The following LRMDA variants were observed in gnomAD, a reference collection of about 807,000 sequenced individuals.
LRMDA encodes the protein leucine-rich melanocyte differentiation-associated protein.
A neutral mutation model predicts 29.8 loss-of-function variants in LRMDA; 18 were observed. The observed-to-expected ratio is 0.60, with a 90% CI of 0.42 to 0.90. The LOEUF (loss-of-function observed/expected upper bound fraction) is 0.90. LRMDA is among the 40% of genes least tolerant of loss of function. The pLI, the probability that LRMDA is intolerant of heterozygous loss-of-function variation, is 0.00. For synonymous variants in LRMDA, 125 were observed against 109.4 expected (o/e 1.14, Z -0.89); for missense variants, 273 against 273.9 (o/e 1.00, Z 0.02).
intron 2 of LRMDA, among the ~76,000 whole-genome samples, chr10:75,699,402 A>G (rs572346966): frequency 6.6e-6 from 1 of 152,168 alleles, no homozygotes; most frequent in African/African-American, 2.4e-5. Context: ...GCTGAAAACT[A>G]TCTAGGTGTG....
intron 2 of LRMDA, among the ~76,000 whole-genome samples, chr10:75,681,003 G>A (rs774967585): frequency 3.3e-5 from 5 of 152,056 alleles, no homozygotes; most frequent in Admixed American, 6.5e-5. Flanking sequence ...TATTAAATAC[G>A]TTGTTAATGA....
intron 2 of LRMDA, among the ~76,000 whole-genome samples, chr10:75,456,085 G>C (rs996078438): frequency 6.6e-6 from 1 of 152,212 alleles, no homozygotes; most frequent in African/African-American, 2.4e-5. Flanking sequence ...TTTCAGAGAG[G>C]CCAGCCAAGT....
chr10:75,755,118 T>C (rs1047930477), intron 2 of LRMDA, among the ~76,000 whole-genome samples: 1 of 152,112 alleles, frequency 6.6e-6, no homozygotes, highest in Admixed American at 6.6e-5. Flanking sequence ...TAGGACACCA[T>C]AAAAATAACT....
At chr10:76,462,922 T>G (rs181389853) in intron 6 of LRMDA, among the ~76,000 whole-genome samples, 1 of 152,276 alleles carries the variant, frequency 6.6e-6, no homozygotes, top group African/African-American at 2.4e-5. Context: ...TCAATAACCT[T>G]ACAAGTGCCT....
At chr10:75,767,855 G>A (rs1843189126) in intron 2 of LRMDA, among the ~76,000 whole-genome samples, 1 of 152,214 alleles carries the variant, frequency 6.6e-6, no homozygotes, top group African/African-American at 2.4e-5. Context: ...GGTCCTAAAT[G>A]TAATCACATA....
At chr10:75,873,371 T>G (rs979101585) in intron 2 of LRMDA, among the ~76,000 whole-genome samples, 2 of 152,242 alleles carry the variant, frequency 1.3e-5, no homozygotes, top group Admixed American at 6.5e-5. Flanking sequence ...CCTCTTTTGT[T>G]TCTACATTAT....
chr10:76,286,375 C>T (rs1840271491), intron 5 of LRMDA, among the ~76,000 whole-genome samples: 1 of 152,184 alleles, frequency 6.6e-6, no homozygotes, highest in African/African-American at 2.4e-5. Flanking sequence ...CCCGGTGACC[C>T]CGGGCTTTTC....
intron 5 of LRMDA, among the ~76,000 whole-genome samples, chr10:76,266,911 T>C (rs1840012605): frequency 6.6e-6 from 1 of 152,300 alleles, no homozygotes; most frequent in South Asian, 2.1e-4. Context: ...ACATTCAATC[T>C]CTGGGTGATG....
At chr10:76,015,473 G>C (rs954627776) in intron 2 of LRMDA, among the ~76,000 whole-genome samples, 2 of 152,192 alleles carry the variant, frequency 1.3e-5, no homozygotes, top group Admixed American at 1.3e-4. Context: ...CTCTCCATAG[G>C]ACAGCTCATG....
chr10:75,603,998 G>A (rs971676046), intron 2 of LRMDA, among the ~76,000 whole-genome samples: 1 of 152,258 alleles, frequency 6.6e-6, no homozygotes, highest in Admixed American at 6.5e-5. Flanking sequence ...AATGAATTTA[G>A]TTCTGGGAGA....
intron 5 of LRMDA, among the ~76,000 whole-genome samples, chr10:76,198,614 A>G (rs1055072496): frequency 6.6e-6 from 1 of 152,198 alleles, no homozygotes; most frequent in Admixed American, 6.5e-5. Context: ...GGTTAAGGAG[A>G]AACAATAACA....
chr10:76,401,921 G>A (rs1045706682), intron 6 of LRMDA, among the ~76,000 whole-genome samples: 2 of 152,116 alleles, frequency 1.3e-5, no homozygotes, highest in Admixed American at 1.3e-4. Context: ...GGAAACCAAA[G>A]GGGCAGGGAT....
chr10:75,980,298 A>C (rs927317673), intron 2 of LRMDA, among the ~76,000 whole-genome samples: 1 of 152,218 alleles, frequency 6.6e-6, no homozygotes, highest in African/African-American at 2.4e-5. Flanking sequence ...GATCAAGCAC[A>C]CTGGTGAGTG....
chr10:76,436,027 A>C (rs1424175854), intron 6 of LRMDA, among the ~76,000 whole-genome samples: 1 of 152,198 alleles, frequency 6.6e-6, no homozygotes, highest in Admixed American at 6.5e-5. Flanking sequence ...GTTGCTCCAG[A>C]AATAAAAGGA....
At chr10:76,297,915 G>T (rs1375628184) in intron 5 of LRMDA, among the ~76,000 whole-genome samples, 1 of 152,222 alleles carries the variant, frequency 6.6e-6, no homozygotes, top group Non-Finnish European at 1.5e-5. Flanking sequence ...ATAGGTAAAA[G>T]CACATAGTTA....
At chr10:76,463,157 T>C (rs1842530122) in intron 6 of LRMDA, among the ~76,000 whole-genome samples, 1 of 152,116 alleles carries the variant, frequency 6.6e-6, no homozygotes, top group African/African-American at 2.4e-5. Flanking sequence ...TCAGCACTTC[T>C]CTGTATCCAA....
At chr10:76,080,184 C>T (rs1849026550) in intron 5 of LRMDA, among the ~76,000 whole-genome samples, 1 of 152,160 alleles carries the variant, frequency 6.6e-6, no homozygotes, top group African/African-American at 2.4e-5. Context: ...TCCTTCGGTG[C>T]CCAACTCAGA....
intron 2 of LRMDA, among the ~76,000 whole-genome samples, chr10:75,549,396 T>G (rs1481652122): frequency 6.6e-6 from 1 of 152,112 alleles, no homozygotes; most frequent in Non-Finnish European, 1.5e-5. Context: ...ATTTGTGGGG[T>G]GTCCTGGAAC....
intron 2 of LRMDA, among the ~76,000 whole-genome samples, chr10:75,512,031 G>A (rs1050084889): frequency 1.3e-5 from 2 of 152,222 alleles, no homozygotes; most frequent in Non-Finnish European, 2.9e-5. Context: ...AGGAGGTTCT[G>A]TCATGTACCA....
Sources: allele counts gnomAD v4.1 joint callset (sites outside exome capture counted in the v4.1 genomes callset), GRCh38; gene constraint gnomAD v4.1.1; transcripts MANE v1.5; gene names NCBI Gene and HGNC (gene_info 2026-07-23, HGNC 2026-07-21).